Variants in KHDRBS2 observed in about 807,000 individuals in gnomAD.
The protein encoded by KHDRBS2 is KH domain-containing, RNA-binding, signal transduction-associated protein 2.
A neutral mutation model predicts 44.3 loss-of-function variants in KHDRBS2; 26 were observed. The observed-to-expected ratio is 0.59, with a 90% CI of 0.43 to 0.81. The LOEUF (loss-of-function observed/expected upper bound fraction) is 0.81, where lower values mean the gene tolerates loss of function less well. KHDRBS2 is among the 40% of genes least tolerant of loss of function. KHDRBS2 has a pLI of 0.00. For synonymous variants in KHDRBS2, 194 were observed against 151.1 expected (o/e 1.28, Z -2.08); for missense variants, 476 against 433.1 (o/e 1.10, Z -0.88).
intron 6 of KHDRBS2, among the ~76,000 whole-genome samples, chr6:61,768,609 A>G (rs910258463): frequency 1.3e-5 from 2 of 151,578 alleles, no homozygotes; most frequent in Admixed American, 6.6e-5. Flanking sequence ...AGGTTCACTA[A>G]TTCTTTCTTC....
intron 6 of KHDRBS2, among the ~76,000 whole-genome samples, chr6:61,879,871 T>C (rs1799962918): frequency 6.6e-6 from 1 of 151,784 alleles, no homozygotes; most frequent in African/African-American, 2.4e-5. Flanking sequence ...TATCTTCTCA[T>C]AGTATTATAT....
chr6:61,848,506 T>TATACGTATATATATAC (rs1794827671), intron 6 of KHDRBS2, among the ~76,000 whole-genome samples: 2 of 53,880 alleles, frequency 3.7e-5, no homozygotes, highest in African/African-American at 1.1e-4. Flanking sequence ...TATATATATA[T>TATACGTATATATATAC]ATATGTATAT....
At chr6:62,073,100 A>C (rs1480113150) in intron 2 of KHDRBS2, among the ~76,000 whole-genome samples, 1 of 151,452 alleles carries the variant, frequency 6.6e-6, no homozygotes, top group Non-Finnish European at 1.5e-5. Flanking sequence ...ATTTATCCGG[A>C]AAGTGTTCAC....
At position 61,778,803 on chromosome 6, in the gene KHDRBS2, G is replaced by GA. The variant is rs201794371; in HGVS notation, c.811-46040dup. ...CACCAGTTTAAATGATAAAATGCCA[G>GA]AAAGAATGGACTAGCTATTGACTGG... is the stretch of plus-strand genomic sequence containing the variant. On this transcript the variant is annotated intron_variant, in intron 6 of 8. Coordinates refer to ENST00000281156, the MANE Select transcript of KHDRBS2 (RefSeq NM_152688.4). Among the ~76,000 whole-genome samples the GA allele has an allele frequency of 2.0e-5, 3 of 152,188 alleles. No homozygotes were observed. In the East Asian group the frequency reaches 5.8e-4, roughly 29 times the overall value.
chr6:62,104,830 AAT>A (rs1269892274), intron 2 of KHDRBS2, among the ~76,000 whole-genome samples: 11 of 152,218 alleles, frequency 7.2e-5, no homozygotes, highest in African/African-American at 2.4e-4. Context: ...AATAGATAAT[AAT>A]AGAGTAAAAT....
At chr6:61,655,271 C>A in the KHDRBS2 span, among the ~76,000 whole-genome samples, 2 of 149,402 alleles carry the variant, frequency 1.3e-5, no homozygotes, top group African/African-American at 5.0e-5. Context: ...CTATTTATTT[C>A]TTGAGAAGGA....
intron 3 of KHDRBS2, among the ~76,000 whole-genome samples, chr6:62,033,329 A>T (rs1422096819): frequency 6.6e-6 from 1 of 152,040 alleles, no homozygotes; most frequent in Non-Finnish European, 1.5e-5. Flanking sequence ...TTCCAAACCT[A>T]GAGAAAGATA....
intron 2 of KHDRBS2, among the ~76,000 whole-genome samples, chr6:62,082,489 C>T (rs1797597112): frequency 6.6e-6 from 1 of 152,026 alleles, no homozygotes; most frequent in Admixed American, 6.6e-5. Flanking sequence ...TACCCTTCTC[C>T]CTCCATATTA....
chr6:62,155,778 T>A (rs1317168887), intron 2 of KHDRBS2, among the ~76,000 whole-genome samples: 1 of 152,242 alleles, frequency 6.6e-6, no homozygotes, highest in African/African-American at 2.4e-5. Flanking sequence ...TTCCACAGTT[T>A]ACAAAAATAC....
chr6:62,145,425 G>A (rs1813711546), intron 2 of KHDRBS2, among the ~76,000 whole-genome samples: 6 of 151,476 alleles, frequency 4.0e-5, no homozygotes. Flanking sequence ...ATTCTTAATA[G>A]AAGTAATTTA....
chr6:61,608,450 T>C, the KHDRBS2 span, among the ~76,000 whole-genome samples: 1 of 152,080 alleles, frequency 6.6e-6, no homozygotes, highest in African/African-American at 2.4e-5. Flanking sequence ...TCTTTTTTAA[T>C]TAGGTATAAT....
intron 2 of KHDRBS2, among the ~76,000 whole-genome samples, chr6:62,078,322 A>T (rs1174281365): frequency 2.6e-5 from 4 of 152,028 alleles, no homozygotes; most frequent in African/African-American, 9.7e-5. Flanking sequence ...TTTGGTGTGT[A>T]TGTGTCTCAT....
intron 6 of KHDRBS2, among the ~76,000 whole-genome samples, chr6:61,854,608 G>T (rs370559075): frequency 9.9e-5 from 15 of 152,092 alleles, no homozygotes; most frequent in African/African-American, 3.4e-4. Context: ...ACTATTTTAC[G>T]CCTACAACTT....
chr6:62,095,062 G>A (rs1252508960), intron 2 of KHDRBS2, among the ~76,000 whole-genome samples: 2 of 151,642 alleles, frequency 1.3e-5, no homozygotes, highest in Non-Finnish European at 3.0e-5. Flanking sequence ...TGGTCCATAC[G>A]AATTATATGA....
chr6:62,136,947 T>A (rs1811653995), intron 2 of KHDRBS2, among the ~76,000 whole-genome samples: 1 of 151,640 alleles, frequency 6.6e-6, no homozygotes, highest in African/African-American at 2.4e-5. Flanking sequence ...GGTCTGACCA[T>A]TGGATGCTAA....
At chr6:61,807,808 C>T (rs749257403) in intron 6 of KHDRBS2, among the ~76,000 whole-genome samples, 7 of 151,924 alleles carry the variant, frequency 4.6e-5, no homozygotes, top group Non-Finnish European at 1.0e-4. Context: ...TGCACATGTA[C>T]CCCTGAACCT....
intron 2 of KHDRBS2, among the ~76,000 whole-genome samples, chr6:62,048,574 A>G (rs1240880607): frequency 6.6e-6 from 1 of 151,944 alleles, no homozygotes; most frequent in Non-Finnish European, 1.5e-5. Context: ...CATTGTCTAT[A>G]TTAAAGAGTT....
At chr6:62,217,392 G>C (rs1370564345) in intron 1 of KHDRBS2, among the ~76,000 whole-genome samples, 1 of 151,842 alleles carries the variant, frequency 6.6e-6, no homozygotes, top group East Asian at 1.9e-4. Flanking sequence ...CAAGATTTCT[G>C]ACTTAGAAGT....
At chr6:61,967,824 C>T (rs1319327641) in intron 4 of KHDRBS2, among the ~76,000 whole-genome samples, 1 of 147,898 alleles carries the variant, frequency 6.8e-6, no homozygotes, top group African/African-American at 2.5e-5. Context: ...CTCTCTCTGG[C>T]CTTTTCTCTC....
Sources: gnomAD v4.1 joint callset for allele counts (sites outside exome capture counted in the v4.1 genomes callset) on GRCh38, gnomAD v4.1.1 for gene constraint, MANE v1.5 for transcripts, NCBI Gene and HGNC (gene_info 2026-07-23, HGNC 2026-07-21) for gene names.